The following FRMPD2 variants were observed in gnomAD, a reference collection of about 807,000 sequenced individuals.
FRMPD2 encodes the protein FERM and PDZ domain-containing protein 2.
In FRMPD2, 96 loss-of-function variants were observed where a neutral mutation model predicts 140.1. The observed-to-expected ratio is 0.69, with a 90% CI of 0.58 to 0.81. The LOEUF (loss-of-function observed/expected upper bound fraction) is 0.81, where lower values mean the gene tolerates loss of function less well. FRMPD2 is among the 40% of genes least tolerant of loss of function. The probability of loss-of-function intolerance (pLI) is 0.00; values close to 1 mark genes in which losing one functional copy is unlikely to be tolerated. For synonymous variants in FRMPD2, 449 were observed against 547.6 expected (o/e 0.82, Z 2.52); for missense variants, 1,240 against 1,447.4 (o/e 0.86, Z 2.32).
chr10:48,160,189 A>G lies in FRMPD2; in HGVS notation c.3882-2819T>C, dbSNP rs1206185463. Reference sequence around the variant, plus strand: ...GGCACGTAATCCAACTCTCCTTCATAAAAATGTACTGTACTGCTTTATTAC... The same window carrying G: ...GGCACGTAATCCAACTCTCCTTCATGAAAATGTACTGTACTGCTTTATTAC... On this transcript the variant is annotated intron_variant, in intron 28 of 28. Coordinates refer to ENST00000374201, the MANE Select transcript of FRMPD2 (RefSeq NM_001018071.4). 4.0e-4 allele frequency among the ~76,000 whole-genome samples: 61 copies of G among 151,626 alleles called. 1 individual carries two copies. The highest frequency in any genetic ancestry group is 7.8e-4 in the Non-Finnish European group (53 of 67,904).
At chr10:48,231,706 G>A (rs1359132629) in intron 10 of FRMPD2, among the ~76,000 whole-genome samples, 1 of 152,210 alleles carries the variant, frequency 6.6e-6, no homozygotes, top group Non-Finnish European at 1.5e-5. Context: ...TAGAACGTCA[G>A]AGAGGGAAGA....
chr10:48,271,820 G>A (rs181446541), intron 1 of FRMPD2, among the ~76,000 whole-genome samples: 17 of 152,354 alleles, frequency 1.1e-4, no homozygotes, highest in African/African-American at 3.8e-4. Flanking sequence ...TGGAAGAGCA[G>A]GCTCCGAGGT....
At chr10:48,250,945 C>T (rs1182689143) in intron 2 of FRMPD2, among the ~76,000 whole-genome samples, 1 of 150,076 alleles carries the variant, frequency 6.7e-6, no homozygotes, top group Non-Finnish European at 1.5e-5. Context: ...TACAGGCGAG[C>T]GCAACCATAC....
intron 15 of FRMPD2, among the ~76,000 whole-genome samples, chr10:48,200,999 T>C (rs1278863217): frequency 6.6e-6 from 1 of 152,190 alleles, no homozygotes; most frequent in East Asian, 1.9e-4. Context: ...ATATTTCCAA[T>C]TGCACTCTGA....
At chr10:48,237,926 C>T in intron 8 of FRMPD2, 65 bp downstream of exon 8, 1 of 1,593,838 alleles carries the variant, frequency 6.3e-7, no homozygotes, top group Non-Finnish European at 8.6e-7. Flanking sequence ...AGCCACCGTG[C>T]CAGCCACCCA....
chr10:48,201,624 G>T (rs984902149), intron 14 of FRMPD2: 26 of 375,420 alleles, frequency 6.9e-5, no homozygotes, highest in African/African-American at 5.4e-4. Context: ...ATTTTTCAAG[G>T]AGTGTGCTGG....
intron 1 of FRMPD2, among the ~76,000 whole-genome samples, chr10:48,269,877 G>A (rs928295980): frequency 6.6e-6 from 1 of 152,112 alleles, no homozygotes; most frequent in South Asian, 2.1e-4. Context: ...ATCCCACTCC[G>A]AGTGGTTTCA....
At chr10:48,183,338 T>C (rs983601488) in intron 20 of FRMPD2, among the ~76,000 whole-genome samples, 1 of 152,108 alleles carries the variant, frequency 6.6e-6, no homozygotes, top group East Asian at 1.9e-4. Flanking sequence ...CTCAGGAAAC[T>C]AGGGAGAAGG....
At chr10:48,245,557 G>A (rs982266052) in intron 3 of FRMPD2, among the ~76,000 whole-genome samples, 2 of 152,188 alleles carry the variant, frequency 1.3e-5, no homozygotes, top group Admixed American at 6.5e-5. Flanking sequence ...AAAAGTACCC[G>A]AAGGTGGTAA....
intron 24 of FRMPD2, among the ~76,000 whole-genome samples, chr10:48,173,987 C>A (rs1337481988): frequency 2.0e-5 from 3 of 152,246 alleles, no homozygotes; most frequent in African/African-American, 7.2e-5. Flanking sequence ...CAAGTACCCT[C>A]TCTACCCATG....
intron 28 of FRMPD2, among the ~76,000 whole-genome samples, chr10:48,158,020 C>T (rs1350551787): frequency 7.1e-6 from 1 of 141,078 alleles, no homozygotes; most frequent in Non-Finnish European, 1.5e-5. Flanking sequence ...CTGCAGCTGC[C>T]TCAGTGTCCA....
chr10:48,162,750 G>A (rs1837974600), intron 28 of FRMPD2, among the ~76,000 whole-genome samples: 1 of 135,488 alleles, frequency 7.4e-6, no homozygotes, highest in East Asian at 2.3e-4. Context: ...GAAAATGAAT[G>A]TTGCAGGGTG....
At chr10:48,217,157 G>A (rs1839470038) in intron 12 of FRMPD2, among the ~76,000 whole-genome samples, 2 of 152,154 alleles carry the variant, frequency 1.3e-5, no homozygotes, top group South Asian at 4.1e-4. Flanking sequence ...ATGTTCTGAT[G>A]GATTACTGTT....
At chr10:48,236,107 T>C (rs1372484325) in intron 9 of FRMPD2, among the ~76,000 whole-genome samples, 1 of 152,058 alleles carries the variant, frequency 6.6e-6, no homozygotes, top group Admixed American at 6.5e-5. Flanking sequence ...GGCATTCTTT[T>C]ATATTTATGT....
rs943422209 is a variant in FRMPD2, at chr10:48,239,706, A to G, written c.701-14T>C. ...TTCTTTCTGAAACTAATCAAGCAGC[A>G]TGGTAGAGGGTATGGGCAGAAGCCA... On this transcript the variant is annotated splice_polypyrimidine_tract_variant and intron_variant, in intron 6 of 28. Transcript: ENST00000374201. 2 of 1,607,000 alleles carry G rather than the reference A, an allele frequency of 1.2e-6. No homozygotes were observed. The highest frequency in any genetic ancestry group is 2.2e-5 in the East Asian group (1 of 44,836).
intron 1 of FRMPD2, among the ~76,000 whole-genome samples, chr10:48,259,676 A>T (rs1327339480): frequency 6.7e-6 from 1 of 148,986 alleles, no homozygotes; most frequent in Non-Finnish European, 1.5e-5. Flanking sequence ...ACACATACAC[A>T]TTTTTTTTTT....
At chr10:48,268,358 C>T (rs1431379585) in intron 1 of FRMPD2, among the ~76,000 whole-genome samples, 8 of 152,208 alleles carry the variant, frequency 5.3e-5, no homozygotes, top group Admixed American at 5.2e-4. Flanking sequence ...TAAACATACT[C>T]TTACTATACA....
intron 15 of FRMPD2, among the ~76,000 whole-genome samples, chr10:48,195,949 A>G (rs1205547769): frequency 6.6e-6 from 1 of 152,264 alleles, no homozygotes; most frequent in Non-Finnish European, 1.5e-5. Flanking sequence ...AGAGGTCTGC[A>G]CAGCAGAGGG....
intron 14 of FRMPD2, among the ~76,000 whole-genome samples, chr10:48,205,795 A>T (rs1839186847): frequency 6.6e-6 from 1 of 152,208 alleles, no homozygotes; most frequent in Non-Finnish European, 1.5e-5. Context: ...GAAAACAAAC[A>T]ATAATTTATT....
Sources: gnomAD v4.1 joint callset for allele counts (sites outside exome capture counted in the v4.1 genomes callset) on GRCh38, gnomAD v4.1.1 for gene constraint, MANE v1.5 for transcripts, NCBI Gene and HGNC (gene_info 2026-07-23, HGNC 2026-07-21) for gene names.